The following NBEA variants were observed in gnomAD, a reference collection of about 807,000 sequenced individuals.
NBEA encodes neurobeachin.
Under a neutral mutation model 343.4 loss-of-function variants are expected in NBEA, and 44 were observed. The observed-to-expected ratio is 0.13, with a 90% CI of 0.10 to 0.16. The LOEUF (loss-of-function observed/expected upper bound fraction) is 0.16, where lower values mean the gene tolerates loss of function less well. Ranked by LOEUF, NBEA falls within the 10% of genes least tolerant of loss-of-function variation. The pLI is 1.00. For missense variants in NBEA, 2,555 were observed against 3,631.3 expected (o/e 0.70, Z 7.62); for synonymous variants, 1,175 against 1,238.7 (o/e 0.95, Z 1.08).
chr13:35,281,946 T>C lies in NBEA; in HGVS notation c.5777-8443T>C, dbSNP rs1367197367. On this transcript the variant is annotated intron_variant, in intron 34 of 58. Transcript: ENST00000379939. ...TATTTATTTTGAGACGGAGTCTTAC[T>C]CTGTCACCCAGGCTGGAGTGCAGTG... Among the ~76,000 whole-genome samples the C allele has an allele frequency of 6.6e-5, 10 of 152,202 alleles. No homozygotes were observed. In the East Asian group the frequency reaches 7.7e-4, roughly 12 times the overall value.
At chr13:35,405,026 C>G (rs937386656) in intron 38 of NBEA, among the ~76,000 whole-genome samples, 4 of 152,140 alleles carry the variant, frequency 2.6e-5, no homozygotes, top group Non-Finnish European at 5.9e-5. Context: ...AAAGGGCACA[C>G]TCTGTGGACC....
chr13:35,018,308 A>G (rs1288223138), intron 1 of NBEA, among the ~76,000 whole-genome samples: 1 of 152,164 alleles, frequency 6.6e-6, no homozygotes, highest in African/African-American at 2.4e-5. Context: ...AATTTTGATT[A>G]GGATGGTGAA....
chr13:35,251,248 A>T, intron 34 of NBEA: 1 of 327,430 alleles, frequency 3.1e-6, no homozygotes, highest in South Asian at 5.5e-5. Context: ...GCTGCTGTCA[A>T]CCATGCAGTA....
intron 36 of NBEA, among the ~76,000 whole-genome samples, chr13:35,327,327 G>A (rs756984968): frequency 3.3e-5 from 5 of 152,000 alleles, no homozygotes; most frequent in African/African-American, 7.2e-5. Context: ...ACATGTACAC[G>A]TATGTTCATC....
At chr13:35,341,759 C>A (rs1455193333) in intron 36 of NBEA, among the ~76,000 whole-genome samples, 1 of 151,946 alleles carries the variant, frequency 6.6e-6, no homozygotes, top group African/African-American at 2.4e-5. Flanking sequence ...AAATTGGAAC[C>A]CTCACACTTT....
intron 36 of NBEA, among the ~76,000 whole-genome samples, chr13:35,326,258 C>G (rs1002323283): frequency 1.3e-5 from 2 of 152,038 alleles, no homozygotes; most frequent in African/African-American, 4.8e-5. Context: ...TTCATTCTCC[C>G]AATCCATGAA....
intron 41 of NBEA, among the ~76,000 whole-genome samples, chr13:35,530,263 G>A (rs553364175): frequency 7.2e-5 from 11 of 152,076 alleles, no homozygotes; most frequent in Admixed American, 1.3e-4. Context: ...AGCTGCAAGC[G>A]TGAAAGTTAT....
At chr13:35,529,545 A>C in intron 41 of NBEA, among the ~76,000 whole-genome samples, 1 of 152,232 alleles carries the variant, frequency 6.6e-6, no homozygotes, top group East Asian at 1.9e-4. Flanking sequence ...ATGTGGGCAT[A>C]TAGTAAACAA....
At chr13:35,161,287 A>G (rs1369572615) in intron 22 of NBEA, among the ~76,000 whole-genome samples, 1 of 152,196 alleles carries the variant, frequency 6.6e-6, no homozygotes, top group Non-Finnish European at 1.5e-5. Flanking sequence ...GTGTTTTTGA[A>G]TTGAAGTACT....
At chr13:35,199,367 T>G (rs1036577666) in intron 31 of NBEA, among the ~76,000 whole-genome samples, 3 of 152,186 alleles carry the variant, frequency 2.0e-5, no homozygotes, top group African/African-American at 7.2e-5. Context: ...ATGAAAGTCC[T>G]GAATGCTACC....
intron 33 of NBEA, among the ~76,000 whole-genome samples, chr13:35,219,527 G>A (rs147181919): frequency 4.5e-4 from 68 of 152,136 alleles, no homozygotes; most frequent in Non-Finnish European, 8.5e-4. Flanking sequence ...TAAATAGGAT[G>A]TTTACATTCA....
chr13:34,992,253 TATATA>T (rs2060785891), intron 1 of NBEA, among the ~76,000 whole-genome samples: 1 of 136,126 alleles, frequency 7.3e-6, no homozygotes, highest in African/African-American at 2.9e-5. Flanking sequence ...TATATATATA[TATATA>T]TATATTTTTT....
intron 36 of NBEA, among the ~76,000 whole-genome samples, chr13:35,313,735 A>T (rs575676602): frequency 2.0e-5 from 3 of 152,156 alleles, no homozygotes; most frequent in Non-Finnish European, 4.4e-5. Context: ...AGAGGATGCT[A>T]TGGGAGCAGG....
chr13:35,131,371 T>C (rs1282582812), intron 17 of NBEA, among the ~76,000 whole-genome samples: 1 of 152,060 alleles, frequency 6.6e-6, no homozygotes, highest in Non-Finnish European at 1.5e-5. Context: ...CATAACCAAA[T>C]TGAGGGTAGT....
rs531916089 is a variant in NBEA, at chr13:35,379,817, C to A, written c.6179+27494C>A. 2.0e-5 allele frequency among the ~76,000 whole-genome samples: 3 copies of A among 151,422 alleles called. No individual in the cohort carries two copies. The East Asian group carries it at 5.9e-4, about 30-fold the overall frequency. On this transcript the variant is annotated intron_variant, in intron 38 of 58. Coordinates refer to ENST00000379939, the MANE Select transcript of NBEA (RefSeq NM_001385012.1). ...TTGTTTCTGGACTCTCTCTACAGTT[C>A]TTTTGGTCAGTTTGTCTATTTTTAG...
chr13:35,057,914 T>A (rs1402584531), intron 7 of NBEA, among the ~76,000 whole-genome samples: 1 of 152,188 alleles, frequency 6.6e-6, no homozygotes, highest in Non-Finnish European at 1.5e-5. Context: ...TGTTCTCCAT[T>A]CACAATTTTT....
chr13:35,125,006 T>G (rs2067041355), intron 17 of NBEA, among the ~76,000 whole-genome samples: 1 of 152,038 alleles, frequency 6.6e-6, no homozygotes, highest in Non-Finnish European at 1.5e-5. Context: ...CCTAAAAATG[T>G]CAAGAAAGCA....
chr13:35,550,572 G>A lies in NBEA; in HGVS notation c.6681G>A (p.Leu2227=). The change falls in exon 42 of 59, where the codon TTG becomes TTA. Residue 2227 remains leucine, a synonymous_variant. Transcript: ENST00000379939. ...GTTACCTTCTACAAAACACTGCTTT[G>A]GAAGTATTTATGGCAAACCGAAGTA... The part of the protein sequence containing the change: ...SRRYLLQNTA[L]EVFMANRTSV... 1 of 1,611,870 alleles carries A rather than the reference G, an allele frequency of 6.2e-7. No individual in the cohort carries two copies. The highest frequency in any genetic ancestry group is 8.5e-7 in the Non-Finnish European group (1 of 1,178,304).
chr13:34,952,418 T>G (rs191690976), intron 1 of NBEA, among the ~76,000 whole-genome samples: 1 of 152,346 alleles, frequency 6.6e-6, no homozygotes, highest in East Asian at 1.9e-4. Context: ...AAATAATTGG[T>G]TATGTGGTAA....
Sources: gnomAD v4.1 joint callset for allele counts (sites outside exome capture counted in the v4.1 genomes callset) on GRCh38, gnomAD v4.1.1 for gene constraint, MANE v1.5 for transcripts, NCBI Gene and HGNC (gene_info 2026-07-23, HGNC 2026-07-21) for gene names.